The following GRK5 variants were observed in gnomAD, a reference collection of about 807,000 sequenced individuals.
GRK5 encodes the protein G protein-coupled receptor kinase 5, also known as g protein-coupled receptor kinase GRK5.
A neutral mutation model predicts 78.4 loss-of-function variants in GRK5; 40 were observed. The observed-to-expected ratio is 0.51, with a 90% confidence interval of 0.40 to 0.66. The LOEUF (loss-of-function observed/expected upper bound fraction) is 0.66. GRK5 is among the 30% of genes least tolerant of loss of function. GRK5 has a pLI of 0.00. For missense variants in GRK5, 598 were observed against 759.9 expected (o/e 0.79, Z 2.50); for synonymous variants, 289 against 296.8 (o/e 0.97, Z 0.27).
intron 1 of GRK5, among the ~76,000 whole-genome samples, chr10:119,222,193 C>T (rs796220600): frequency 1.3e-4 from 20 of 152,312 alleles, no homozygotes; most frequent in African/African-American, 4.8e-4. Flanking sequence ...GGAGCCACTT[C>T]CCCTTGTTTC....
intron 1 of GRK5, among the ~76,000 whole-genome samples, chr10:119,261,117 C>CG (rs1849384653): frequency 7.1e-6 from 1 of 140,176 alleles, no homozygotes; most frequent in Non-Finnish European, 1.5e-5. Flanking sequence ...GGCTGCCGGG[C>CG]GGAGGGGTTC....
At chr10:119,367,052 C>G (rs1851462019) in intron 2 of GRK5, among the ~76,000 whole-genome samples, 1 of 152,084 alleles carries the variant, frequency 6.6e-6, no homozygotes, top group African/African-American at 2.4e-5. Flanking sequence ...TAGCATTGTG[C>G]CTGGTACGCA....
chr10:119,368,625 A>G lies in GRK5; in HGVS notation c.149-12190A>G. On this transcript the variant is annotated intron_variant, in intron 2 of 15. Transcript: ENST00000392870. ...GATGGGTCAGAGGTCATGCAGGGTC[A>G]GACGTGGAGCTGGACACAAAGCCCA... 1.3e-5 allele frequency among the ~76,000 whole-genome samples: 2 copies of G among 152,250 alleles called. 1 individual carries two copies. Among genetic ancestry groups the G allele is most frequent in the Non-Finnish European group, 2.9e-5 (2 of 68,036 alleles).
intron 1 of GRK5, among the ~76,000 whole-genome samples, chr10:119,291,340 G>A (rs75019288): frequency 0.021 from 3,223 of 152,240 alleles, 73 homozygotes; most frequent in East Asian, 0.059. Context: ...AGGGTTGGGC[G>A]TTCAGCCTGG....
intron 1 of GRK5, among the ~76,000 whole-genome samples, chr10:119,247,493 A>C (rs1422454918): frequency 6.6e-6 from 1 of 152,226 alleles, no homozygotes; most frequent in Non-Finnish European, 1.5e-5. Context: ...AAACCCTTGA[A>C]GGCTTTGTTT....
At chr10:119,339,356 G>T (rs1390957481) in intron 2 of GRK5, among the ~76,000 whole-genome samples, 2 of 152,180 alleles carry the variant, frequency 1.3e-5, no homozygotes, top group Non-Finnish European at 2.9e-5. Context: ...CACTTTTAAT[G>T]GTCTCTGCCT....
intron 9 of GRK5, among the ~76,000 whole-genome samples, chr10:119,438,260 T>C (rs1852962192): frequency 6.6e-6 from 1 of 152,016 alleles, no homozygotes; most frequent in Non-Finnish European, 1.5e-5. Context: ...GAAGAGTTAT[T>C]GAGAAAGGGC....
chr10:119,423,146 C>A lies in GRK5; in HGVS notation c.340-20C>A. On this transcript the variant is annotated intron_variant, in intron 4 of 15. Transcript: ENST00000392870. Reference sequence around the variant, plus strand: ...CTGCTGGCTCCTCACTGACCACCTCCCTTCCCTTCCTTCTTCCAGTCCCCT... The same window carrying A: ...CTGCTGGCTCCTCACTGACCACCTCACTTCCCTTCCTTCTTCCAGTCCCCT... The A allele has an allele frequency of 6.4e-7, 1 of 1,558,664 alleles. No homozygotes were observed. Among genetic ancestry groups the A allele is most frequent in the Non-Finnish European group, 8.9e-7 (1 of 1,129,362 alleles).
rs374812456 is a variant in GRK5 at position 119,443,585 on chromosome 10, G to A, written c.1099G>A (p.Asp367Asn). 1.2e-6 allele frequency: 2 copies of A among 1,612,742 alleles called. No homozygotes were observed. Among genetic ancestry groups the A allele is most frequent in the Non-Finnish European group, 8.5e-7 (1 of 1,179,060 alleles). ...CAACCAGAGGTACGGCCTGAGCCCC[G>A]ACTACTGGGGCCTTGGCTGCCTCAT... Reference protein sequence around the residue: ...LNNQRYGLSPDYWGLGCLIYE... With the variant: ...LNNQRYGLSPNYWGLGCLIYE... Residue 367 changes from aspartate to asparagine, a missense_variant, in exon 12 of 16, where the codon GAC becomes AAC. Physicochemically the swap from Asp to Asn is conservative, Grantham distance 23 (BLOSUM62 1). Transcript: ENST00000392870.
Position 119,431,461 on chromosome 10 carries a change from G to A in GRK5, c.672G>A (p.Lys224=), listed in dbSNP as rs1429940431. 6.2e-7 allele frequency: 1 copy of A among 1,613,984 alleles called. No homozygotes were observed. Among genetic ancestry groups the A allele is most frequent in the Non-Finnish European group, 8.5e-7 (1 of 1,179,994 alleles). Residue 224 remains lysine, a synonymous_variant, in exon 8 of 16, where the codon AAG becomes AAA. Transcript: ENST00000392870. The surrounding 1 kb of genome is among the most constrained non-coding windows in gnomAD (Gnocchi z 4.8). ...GCTTGGAGAAGAAGAGGATCAAAAA[G>A]AGGAAAGGGGAGTCCATGGCCCTCA... is the stretch of plus-strand genomic sequence containing the variant. ...CKRLEKKRIK[K]RKGESMALNE...
At chr10:119,359,068 C>T (rs973347682) in intron 2 of GRK5, among the ~76,000 whole-genome samples, 1 of 152,198 alleles carries the variant, frequency 6.6e-6, no homozygotes, top group African/African-American at 2.4e-5. Context: ...AATTTGGGGA[C>T]AACACAGTTC....
At chr10:119,273,187 T>C (rs1849613390) in intron 1 of GRK5, among the ~76,000 whole-genome samples, 1 of 152,150 alleles carries the variant, frequency 6.6e-6, no homozygotes, top group African/African-American at 2.4e-5. Context: ...GTAGACAGAA[T>C]GTGGATTTCC....
At chr10:119,406,410 A>G (rs938985574) in intron 4 of GRK5, 4 of 975,944 alleles carry the variant, frequency 4.1e-6, no homozygotes, top group South Asian at 4.7e-5. Flanking sequence ...TGATCATCCA[A>G]CCAATTCATG....
chr10:119,433,984 T>G (rs1852871633), intron 8 of GRK5, among the ~76,000 whole-genome samples: 1 of 152,200 alleles, frequency 6.6e-6, no homozygotes, highest in Non-Finnish European at 1.5e-5. Context: ...CATGGTGGAA[T>G]GTGAAAGGCA....
chr10:119,351,521 C>T (rs1851185001), intron 2 of GRK5, among the ~76,000 whole-genome samples: 1 of 152,140 alleles, frequency 6.6e-6, no homozygotes, highest in Admixed American at 6.5e-5. Context: ...TGTGCCTTTC[C>T]TCTTCTGCCA....
At chr10:119,349,232 C>T (rs1198981649) in intron 2 of GRK5, among the ~76,000 whole-genome samples, 4 of 152,170 alleles carry the variant, frequency 2.6e-5, no homozygotes, top group Non-Finnish European at 1.5e-5. Context: ...GCAGGATTTG[C>T]AGTCGGTCAA....
rs1849519292 is a variant in GRK5 at position 119,267,506 on chromosome 10, G to T, written c.53-59010G>T. On this transcript the variant is annotated intron_variant, in intron 1 of 15. Coordinates refer to ENST00000392870, the MANE Select transcript of GRK5 (RefSeq NM_005308.3). This position sits in a 1 kb window ranked among gnomAD's most constrained non-coding sequence, Gnocchi z 4.1. ...GGCAGCAGACTCCTCACCGTGGCCA[G>T]GCAAGGGATTCCCACCCTGGGTTGG... 6.6e-6 allele frequency among the ~76,000 whole-genome samples: 1 copy of T among 152,226 alleles called. No individual in the cohort carries two copies. The highest frequency in any genetic ancestry group is 2.4e-5 in the African/African-American group (1 of 41,456).
intron 1 of GRK5, among the ~76,000 whole-genome samples, chr10:119,275,624 C>CACACACACAA (rs1849659150): frequency 5.9e-5 from 9 of 151,888 alleles, no homozygotes; most frequent in Admixed American, 5.9e-4. Context: ...CACACACACA[C>CACACACACAA]ACACACACAC....
At position 119,452,587 on chromosome 10, in the gene GRK5, G is replaced by A. The variant is rs1427068649; in HGVS notation, c.1405-84G>A. ...GTGTGTCCTGGGAAGACTCCCTTCT[G>A]CTCCCCAAAACCCCAAGGCCTGGCT... On this transcript the variant is annotated intron_variant, in intron 13 of 15. Transcript: ENST00000392870. This position sits in a 1 kb window ranked among gnomAD's most constrained non-coding sequence, Gnocchi z 4.4. The A allele has an allele frequency of 6.5e-7, 1 of 1,531,972 alleles. No homozygotes were observed. Among genetic ancestry groups the A allele is most frequent in the African/African-American group, 1.4e-5 (1 of 73,554 alleles). 94.9% of individuals were successfully genotyped at this position (1,531,972 alleles called of 1,614,324 possible). A position where few individuals can be genotyped will look rare whatever the true frequency, so the allele number is the denominator to read the frequency against.
Sources: allele counts gnomAD v4.1 joint callset (sites outside exome capture counted in the v4.1 genomes callset), GRCh38; gene constraint gnomAD v4.1.1; non-coding constraint Gnocchi (gnomAD v3.1); transcripts MANE v1.5; gene names NCBI Gene and HGNC (gene_info 2026-07-23, HGNC 2026-07-21).